The following DBN1 variants were observed in gnomAD, a reference collection of about 807,000 sequenced individuals.
DBN1 encodes the protein drebrin 1.
In DBN1, 21 loss-of-function variants were observed where a neutral mutation model predicts 83.5. The ratio of observed to expected loss-of-function variants is 0.25; its 90% CI spans 0.18 to 0.36. The LOEUF (loss-of-function observed/expected upper bound fraction) is 0.36, where lower values mean the gene tolerates loss of function less well. Among genes scored for constraint, DBN1 ranks in the 10% least tolerant of loss-of-function variants. The pLI, the probability that DBN1 is intolerant of heterozygous loss-of-function variation, is 1.00. For missense variants in DBN1, 874 were observed against 935.7 expected (o/e 0.93, Z 0.86); for synonymous variants, 381 against 384.9 (o/e 0.99, Z 0.12).
At chr5:177,465,115 T>C (rs530529527) in intron 8 of DBN1, among the ~76,000 whole-genome samples, 1 of 152,300 alleles carries the variant, frequency 6.6e-6, no homozygotes, top group East Asian at 1.9e-4. Flanking sequence ...ATGGCGCCAC[T>C]GCACTCCGGC....
intron 1 of DBN1, chr5:177,472,538 A>C: frequency 5.9e-6 from 4 of 674,032 alleles, no homozygotes; most frequent in Non-Finnish European, 4.1e-6. Flanking sequence ...GCGGGAGACA[A>C]CAGCTGGGGG....
chr5:177,468,345 G>T, intron 2 of DBN1, 125 bp from the exon 3 acceptor site: 1 of 743,092 alleles, frequency 1.3e-6, no homozygotes, highest in South Asian at 1.6e-5. Flanking sequence ...CTGGCCTCTG[G>T]GGTCTGTGGG....
Position 177,469,827 on chromosome 5 carries a change from A to G in DBN1, c.87-928T>C, listed in dbSNP as rs553881488. 2.6e-5 allele frequency among the ~76,000 whole-genome samples: 4 copies of G among 152,352 alleles called. No individual in the cohort carries two copies. The South Asian group carries it at 6.2e-4, about 24-fold the overall frequency. ...CTGGGAGGGAGGAGAGCCGGGGCCT[A>G]GGAGGAAGGGCCTTGTCCCTGAAGT... On this transcript the variant is annotated intron_variant, in intron 1 of 14. Transcript: ENST00000393565.
rs558797056 is a variant in DBN1, at chr5:177,467,008, G to C, written c.610C>G (p.Leu204Val). ...TCCATCCGCTCCTGCTCGAACCTGA[G>C]CCTCTCATCCAGGGCCTTCTTCCGC... ...EERKKALDER[L>V]RFEQERMEQE... The change falls in exon 7 of 15, where the codon CTC (leucine) becomes GTC (valine). Residue 204 changes from leucine (L) to valine (V), a missense_variant. Leu to Val is a conservative substitution (Grantham distance 32). Transcript: ENST00000393565. This position sits in a 1 kb window ranked among gnomAD's most constrained non-coding sequence, Gnocchi z 9.1. 3 of 1,613,734 alleles carry C rather than the reference G, an allele frequency of 1.9e-6. No individual in the cohort carries two copies. The highest frequency in any genetic ancestry group is 1.7e-5 in the Admixed American group (1 of 60,022).
intron 8 of DBN1, among the ~76,000 whole-genome samples, chr5:177,464,955 C>T (rs373812875): frequency 4.0e-5 from 6 of 151,652 alleles, no homozygotes; most frequent in East Asian, 1.9e-4. Context: ...GAGATCGAGA[C>T]CACCCTGGCT....
Position 177,458,102 on chromosome 5 carries a change from G to A in DBN1, c.1870C>T (p.His624Tyr). The A allele has an allele frequency of 6.2e-7, 1 of 1,613,800 alleles. No individual in the cohort carries two copies. Among genetic ancestry groups the A allele is most frequent in the Non-Finnish European group, 8.5e-7 (1 of 1,180,020 alleles). The change falls in exon 13 of 15, where the codon CAC becomes TAC. Residue 624 changes from histidine to tyrosine, a missense_variant. Transcript: ENST00000393565. ...ELEQEQEPEP[H>Y]LLTNGETTQK... ...GTGGTCTCGCCATTGGTTAGCAGGT[G>A]GGGCTCCGGCTCCTGCTCTTGCTCC...
At chr5:177,465,025 G>C (rs1188153935) in intron 8 of DBN1, among the ~76,000 whole-genome samples, 1 of 152,162 alleles carries the variant, frequency 6.6e-6, no homozygotes, top group Non-Finnish European at 1.5e-5. Context: ...GTGGTGGCGG[G>C]CACCTGTAGT....
chr5:177,460,741 C>A (rs113949930), intron 8 of DBN1, 38 bp from the exon 9 acceptor site: 2 of 1,604,258 alleles, frequency 1.2e-6, no homozygotes, highest in East Asian at 2.2e-5. Flanking sequence ...GCACCTACCC[C>A]CCACAGGGGC....
At chr5:177,470,707 C>A (rs1024565824) in intron 1 of DBN1, among the ~76,000 whole-genome samples, 1 of 152,200 alleles carries the variant, frequency 6.6e-6, no homozygotes, top group Middle Eastern at 3.2e-3. Context: ...GGAATGCTTC[C>A]GTTCTTCAGA....
In DBN1 at chr5:177,466,935, C is replaced by T. The variant is rs756113008; in HGVS notation, c.683G>A (p.Arg228Gln). Residue 228 changes from arginine (R) to glutamine (Q), a missense_variant, in exon 7 of 15, where the codon CGG becomes CAG. By Grantham distance (43) the Arg-to-Gln change is conservative. Transcript: ENST00000393565. The surrounding 1 kb of genome is among the most constrained non-coding windows in gnomAD (Gnocchi z 4.8). ...CCTGTGCTCCTCGATCTGCTGCTCC[C>T]GCTCCCGGTAGCGCCGCTCGCGCTC... ...QEERERRYRE[R>Q]EQQIEEHRRK... 16 of 1,612,626 alleles carry T rather than the reference C, an allele frequency of 9.9e-6. No homozygotes were observed. Among genetic ancestry groups the T allele is most frequent in the Middle Eastern group, 1.6e-4 (1 of 6,078 alleles).
At position 177,456,685 on chromosome 5, in the gene DBN1, A is replaced by C. The variant is rs1339591032; in HGVS notation, c.*748T>G. The C allele has an allele frequency of 4.0e-5, 6 of 150,070 alleles. No individual in the cohort carries two copies. The highest frequency in any genetic ancestry group is 2.0e-4 in the East Asian group (1 of 5,124). 9.3% of individuals were successfully genotyped at this position (150,070 alleles called of 1,614,324 possible). A position where few individuals can be genotyped will look rare whatever the true frequency, so the allele number is the denominator to read the frequency against. On this transcript the variant is annotated 3_prime_UTR_variant, in exon 15 of 15. Coordinates refer to ENST00000393565, the MANE Select transcript of DBN1 (RefSeq NM_001363541.2). The stretch of plus-strand genomic sequence containing the variant: ...AGTTTGTGCTTTCCAAAAAAAAAAA[A>C]AAAAAAAAAAAAAAAACAGTTACTA...
Position 177,458,730 on chromosome 5 carries a change from G to C in DBN1, c.1265-23C>G, listed in dbSNP as rs186219130. The C allele has an allele frequency of 1.2e-3, 1,796 of 1,490,990 alleles. 1 individual carries two copies. Among genetic ancestry groups the C allele is most frequent in the Admixed American group, 1.9e-3 (81 of 41,730 alleles). The allele number at this position is 1,490,990 out of a possible 1,614,324, so 92.4% of individuals were successfully genotyped here. On this transcript the variant is annotated intron_variant, in intron 12 of 14. Coordinates refer to ENST00000393565, the MANE Select transcript of DBN1 (RefSeq NM_001363541.2). ...TCTCTGTCACAGCACAGGCAGAGGAGATATGTAACCGGCTCCCCTCGGGGA... is the reference window on the plus strand; with the variant it reads ...TCTCTGTCACAGCACAGGCAGAGGACATATGTAACCGGCTCCCCTCGGGGA...
chr5:177,465,809 C>T (rs1757405684), intron 8 of DBN1, among the ~76,000 whole-genome samples: 1 of 148,194 alleles, frequency 6.7e-6, no homozygotes. Flanking sequence ...GAGCCAAGAT[C>T]ACGCCATTGC....
Position 177,459,236 on chromosome 5 carries a change from G to C in DBN1, c.1126C>G (p.Pro376Ala). The change falls in exon 12 of 15, where the codon CCC becomes GCC. Residue 376 changes from proline (P) to alanine (A), a missense_variant. Around this residue, in one of 4 missense-constraint regions of DBN1, gnomAD observed 725 missense variants for 719.7 expected, o/e 1.01. Transcript: ENST00000393565. Reference sequence around the variant, plus strand: ...GGGCTCCGCGTGGGGATGGGAGTGGGCGCCATCCTCCGGTGGCTGTCCAGG... The same window carrying C: ...GGGCTCCGCGTGGGGATGGGAGTGGCCGCCATCCTCCGGTGGCTGTCCAGG... ...SHLDSHRRMA[P>A]TPIPTRSPSD... The C allele has an allele frequency of 6.2e-7, 1 of 1,610,464 alleles. No individual in the cohort carries two copies. Among genetic ancestry groups the C allele is most frequent in the South Asian group, 1.1e-5 (1 of 91,026 alleles).
At position 177,458,426 on chromosome 5, in the gene DBN1, G is replaced by A. The variant is rs780050570; in HGVS notation, c.1546C>T (p.Pro516Ser). 6.2e-7 allele frequency: 1 copy of A among 1,614,206 alleles called. No homozygotes were observed. The highest frequency in any genetic ancestry group is 2.2e-5 in the East Asian group (1 of 44,890). Residue 516 changes from proline (P) to serine (S), a missense_variant, in exon 13 of 15, where the codon CCC becomes TCC. This residue lies in a region of DBN1 where 725 missense variants were observed against 719.7 expected (regional missense o/e 1.01). Transcript: ENST00000393565. Reference sequence around the variant, plus strand: ...AGGTCAATGAGGCTGGTGGCGGCGGGGGGTACGTTGTTGGCAACAGTGGTG... The same window carrying A: ...AGGTCAATGAGGCTGGTGGCGGCGGAGGGTACGTTGTTGGCAACAGTGGTG... ...ADTTVANNVP[P>S]AATSLIDLWP... is the part of the protein sequence containing the mutation.
chr5:177,463,089 TGC>T (rs1561682007), intron 8 of DBN1, among the ~76,000 whole-genome samples: 2 of 151,784 alleles, frequency 1.3e-5, no homozygotes, highest in Non-Finnish European at 2.9e-5. Context: ...CAGGCTGGAG[TGC>T]AGTGGCGAGA....
intron 2 of DBN1, chr5:177,468,436 TG>T (rs1757621413): frequency 3.4e-6 from 2 of 592,414 alleles, no homozygotes; most frequent in South Asian, 4.2e-5. Context: ...GGGCCTGATT[TG>T]GGGGTAGGAC....
intron 8 of DBN1, chr5:177,462,195 A>AC (rs1757098028): frequency 1.4e-6 from 1 of 735,504 alleles, no homozygotes; most frequent in African/African-American, 2.8e-5. Flanking sequence ...CTCCAACACC[A>AC]CCCCCTGCCG....
At position 177,457,462 on chromosome 5, in the gene DBN1, C is replaced by T; in HGVS notation, c.2059G>A (p.Glu687Lys). Residue 687 changes from glutamate (E) to lysine (K), a missense_variant, in exon 15 of 15, where the codon GAG (glutamate) becomes AAG (lysine). Physicochemically the swap from Glu to Lys is moderately conservative, Grantham distance 56. Around this residue, in one of 4 missense-constraint regions of DBN1, gnomAD observed 725 missense variants for 719.7 expected, o/e 1.01. Transcript: ENST00000393565. Reference sequence around the variant, plus strand: ...TCACCACCCTCGAAGCCCTCCTCCTCTTCTGGAACTGGGTCTGCATCCCAG... The same window carrying T: ...TCACCACCCTCGAAGCCCTCCTCCTTTTCTGGAACTGGGTCTGCATCCCAG... ...TCWDADPVPE[E>K]EEGFEGGD is the part of the protein sequence containing the mutation. The T allele has an allele frequency of 6.2e-7, 1 of 1,614,208 alleles. No individual in the cohort carries two copies. Among genetic ancestry groups the T allele is most frequent in the Non-Finnish European group, 8.5e-7 (1 of 1,180,024 alleles).
Sources: gnomAD v4.1 joint callset for allele counts (sites outside exome capture counted in the v4.1 genomes callset) on GRCh38, gnomAD v4.1.1 for gene constraint, gnomAD v4.1.1 regional missense constraint, Gnocchi (gnomAD v3.1) non-coding constraint, MANE v1.5 for transcripts, NCBI Gene and HGNC (gene_info 2026-07-23, HGNC 2026-07-21) for gene names.